Variants in CSF2RA observed in about 807,000 individuals in gnomAD.
CSF2RA encodes the protein colony stimulating factor 2 receptor subunit alpha, also known as granulocyte-macrophage colony-stimulating factor receptor subunit alpha.
Under a neutral mutation model 51.6 loss-of-function variants are expected in CSF2RA, and 42 were observed. The ratio of observed to expected loss-of-function variants is 0.81; its 90% CI spans 0.64 to 1.05. The LOEUF (loss-of-function observed/expected upper bound fraction) is 1.05, where lower values mean the gene tolerates loss of function less well. Among genes scored for constraint, CSF2RA ranks in the 50% least tolerant of loss-of-function variants. CSF2RA has a pLI of 0.00. For missense variants in CSF2RA, 530 were observed against 501.1 expected (o/e 1.06, Z -0.55); for synonymous variants, 222 against 193.0 (o/e 1.15, Z -1.24).
rs1422658234 is a variant in CSF2RA, at chrX:1,305,188, T to TTC, written c.1044-257_1044-256dup. 3.3e-5 allele frequency among the ~76,000 whole-genome samples: 5 copies of TTC among 150,414 alleles called. 1 individual carries two copies. Among genetic ancestry groups the TTC allele is most frequent in the African/African-American group, 1.2e-4 (5 of 40,878 alleles). On this transcript the variant is annotated intron_variant, in intron 11 of 12. Transcript: ENST00000381529. ...TTTGTATTTTTAGTAGAGACGGGGT[T>TTC]TCACCACGTTGGCCAGGCTGGTCTC...
chrX:1,275,955 A>C (rs1274970600), intron 2 of CSF2RA, among the ~76,000 whole-genome samples: 2 of 151,764 alleles, frequency 1.3e-5, no homozygotes, highest in African/African-American at 4.8e-5. Context: ...GGCCTCCCAA[A>C]GTGCTGGGAT....
At chrX:1,305,892 C>G (rs768689415) in intron 12 of CSF2RA, 3 of 1,080,484 alleles carry the variant, frequency 2.8e-6, no homozygotes, top group South Asian at 2.9e-5. Context: ...ACCAGCCTGG[C>G]CAACGTGGTG....
Position 1,282,723 on chromosome X carries a change from G to A in CSF2RA, c.20G>A (p.Ser7Asn), listed in dbSNP as rs1402617835. The A allele has an allele frequency of 1.9e-6, 3 of 1,613,666 alleles. No homozygotes were observed. Among genetic ancestry groups the A allele is most frequent in the Non-Finnish European group, 2.5e-6 (3 of 1,179,770 alleles). MLLLVT[S>N]LLLCELPHPA... ...AGCACCATGCTTCTCCTGGTGACAA[G>A]CCTTCTGCTCTGTGAGTTACCACAC... The change falls in exon 3 of 13, where the codon AGC becomes AAC. Residue 7 changes from serine (S) to asparagine (N), a missense_variant. Coordinates refer to ENST00000381529, the MANE Select transcript of CSF2RA (RefSeq NM_172245.4).
chrX:1,297,788 C>A (rs866020380), intron 9 of CSF2RA, among the ~76,000 whole-genome samples: 4,454 of 91,064 alleles, frequency 0.049, no homozygotes, highest in Non-Finnish European at 0.066. Flanking sequence ...CCCGGTGGAA[C>A]CCTACAGTCC....
chrX:1,274,702 C>T (rs1390233431), intron 1 of CSF2RA, 53 bp from the exon 2 acceptor site: 3 of 451,820 alleles, frequency 6.6e-6, no homozygotes, highest in Non-Finnish European at 1.3e-5. Flanking sequence ...AAGACAGTTT[C>T]CACTATAACC....
chrX:1,317,471 G>A, the CSF2RA span, among the ~76,000 whole-genome samples: 3 of 143,862 alleles, frequency 2.1e-5, no homozygotes, highest in Non-Finnish European at 4.5e-5. Context: ...GGCTGGTCTC[G>A]AACTCCTGAC....
chrX:1,286,314 A>C (rs2090648326), intron 4 of CSF2RA, among the ~76,000 whole-genome samples: 1 of 151,202 alleles, frequency 6.6e-6, no homozygotes, highest in Non-Finnish European at 1.5e-5. Flanking sequence ...CACGCTTGTC[A>C]TCCCAGCACT....
chrX:1,297,855 T>C (rs1437837333), intron 9 of CSF2RA, among the ~76,000 whole-genome samples: 3 of 105,442 alleles, frequency 2.8e-5, no homozygotes, highest in Admixed American at 1.0e-4. Context: ...CCCTACACTC[T>C]CCTACCCATG....
At chrX:1,295,310 T>C (rs1398506069) in intron 8 of CSF2RA, 117 bp from the exon 9 acceptor site, 2 of 1,317,428 alleles carry the variant, frequency 1.5e-6, no homozygotes, top group Non-Finnish European at 1.1e-6. Context: ...TGCCTGCCAC[T>C]CCGCAGGGAC....
intron 1 of CSF2RA, among the ~76,000 whole-genome samples, chrX:1,273,320 T>G (rs2088692341): frequency 6.6e-6 from 1 of 152,068 alleles, no homozygotes; most frequent in South Asian, 2.1e-4. Context: ...AGTTGTATTT[T>G]TTTTTTCTTT....
In CSF2RA at chrX:1,287,439, A is replaced by G. The variant is rs1424058685; in HGVS notation, c.220-1080A>G. ...AGTGCTGGCATTACAGGTGTGAGCC[A>G]CCGTGTCCGACCTTTATTTTTTGGG... On this transcript the variant is annotated intron_variant, in intron 4 of 12. Coordinates refer to ENST00000381529, the MANE Select transcript of CSF2RA (RefSeq NM_172245.4). 3.7e-4 allele frequency among the ~76,000 whole-genome samples: 53 copies of G among 145,120 alleles called. 1 individual carries two copies. Among genetic ancestry groups the G allele is most frequent in the Non-Finnish European group, 1.8e-4 (12 of 66,734 alleles).
the CSF2RA span, among the ~76,000 whole-genome samples, chrX:1,316,688 C>T: frequency 1.3e-5 from 2 of 152,210 alleles, no homozygotes; most frequent in African/African-American, 2.4e-5. Flanking sequence ...CTCCCCAACG[C>T]CTGGGTTCTC....
intron 12 of CSF2RA, among the ~76,000 whole-genome samples, chrX:1,307,591 C>A (rs1459774474): frequency 6.6e-6 from 1 of 150,912 alleles, no homozygotes; most frequent in Non-Finnish European, 1.5e-5. Context: ...CCACCCTTCC[C>A]CCTTCAGCCT....
rs539669410 is a variant in CSF2RA at position 1,301,828 on chromosome X, G to C, written c.946+1202G>C. ...ACTGTTTTTTAGCCAGGATGGTCTC[G>C]ATCTCCTGACCTCGTGATCCGCCCA... is the stretch of plus-strand genomic sequence containing the variant. On this transcript the variant is annotated intron_variant, in intron 10 of 12. Coordinates refer to ENST00000381529, the MANE Select transcript of CSF2RA (RefSeq NM_172245.4). Among the ~76,000 whole-genome samples the C allele has an allele frequency of 1.7e-4, 26 of 148,816 alleles. No homozygotes were observed. The South Asian group carries it at 4.9e-3, about 28-fold the overall frequency.
intron 1 of CSF2RA, among the ~76,000 whole-genome samples, chrX:1,273,559 C>T (rs2148036051): frequency 6.6e-6 from 1 of 151,774 alleles, no homozygotes; most frequent in Admixed American, 6.6e-5. Context: ...GAACTCCTGA[C>T]CTCAGGTGAT....
intron 2 of CSF2RA, among the ~76,000 whole-genome samples, 183 bp downstream of exon 2, chrX:1,275,001 T>G (rs1324482067): frequency 1.5e-4 from 22 of 150,686 alleles, no homozygotes; most frequent in African/African-American, 4.6e-4. Context: ...TCACGTTCCC[T>G]CTGAGACAGT....
chrX:1,306,491 G>A (rs141609359), intron 12 of CSF2RA, among the ~76,000 whole-genome samples: 2,552 of 151,748 alleles, frequency 0.017, 68 homozygotes, highest in African/African-American at 0.058. Context: ...TACTAAAATT[G>A]CAAAAATTAG....
chrX:1,296,221 G>T (rs1286517587), intron 9 of CSF2RA, among the ~76,000 whole-genome samples: 1 of 148,464 alleles, frequency 6.7e-6, no homozygotes, highest in Non-Finnish European at 1.5e-5. Flanking sequence ...ATGACCTCTG[G>T]CGGAACCCTA....
chrX:1,314,250 ACC>A (rs1569514689), downstream of CSF2RA, among the ~76,000 whole-genome samples: 151 of 27,108 alleles, frequency 5.6e-3, no homozygotes, highest in Admixed American at 0.014. Flanking sequence ...ACCCCACTGC[ACC>A]TGCCCAACCC....
Sources: gnomAD v4.1 joint callset for allele counts (sites outside exome capture counted in the v4.1 genomes callset) on GRCh38, gnomAD v4.1.1 for gene constraint, MANE v1.5 for transcripts, NCBI Gene and HGNC (gene_info 2026-07-23, HGNC 2026-07-21) for gene names.